Variants in SEC23B observed in about 807,000 individuals in gnomAD.
The protein encoded by SEC23B is SEC23 homolog B, COPII component, also known as protein transport protein Sec23B.
In SEC23B, 77 loss-of-function variants were observed where a neutral mutation model predicts 104.3. That is an observed-to-expected ratio of 0.74 (90% confidence interval 0.61 to 0.89). The LOEUF (loss-of-function observed/expected upper bound fraction) is 0.89. SEC23B is among the 40% of genes least tolerant of loss of function. SEC23B has a pLI of 0.00. For synonymous variants in SEC23B, 338 were observed against 332.5 expected, an observed-to-expected ratio of 1.02 and a Z score of -0.18; for missense variants, 885 against 949.4, an observed-to-expected ratio of 0.93 and a Z score of 0.89.
chr20:18,509,075 TCTG>T (rs1288387219), intron 1 of SEC23B, among the ~76,000 whole-genome samples: 2 of 152,210 alleles, frequency 1.3e-5, no homozygotes, highest in Non-Finnish European at 2.9e-5. Context: ...TTTAATGAAA[TCTG>T]CTGACATACT....
Position 18,515,749 on chromosome 20 carries a change from T to C in SEC23B, c.366+13T>C. On this transcript the variant is annotated intron_variant, in intron 4 of 19. Transcript: ENST00000650089. ...GTACGTGATACAGGTAATTTCTTTGTTGTGCATTTAATGAGCAATGTTAAA... is the reference window on the plus strand; with the variant it reads ...GTACGTGATACAGGTAATTTCTTTGCTGTGCATTTAATGAGCAATGTTAAA... The C allele has an allele frequency of 6.7e-7, 1 of 1,495,384 alleles. No individual in the cohort carries two copies. The highest frequency in any genetic ancestry group is 9.3e-7 in the Non-Finnish European group (1 of 1,071,778). 92.6% of individuals were successfully genotyped at this position (1,495,384 alleles called of 1,614,324 possible).
chr20:18,553,514 A>G (rs1003635435), intron 17 of SEC23B, among the ~76,000 whole-genome samples: 5 of 152,252 alleles, frequency 3.3e-5, no homozygotes, highest in South Asian at 2.1e-4. Flanking sequence ...GAATCAGTTA[A>G]TGAATGTTTC....
intron 1 of SEC23B, among the ~76,000 whole-genome samples, chr20:18,508,578 T>C (rs946441931): frequency 2.0e-5 from 3 of 152,098 alleles, no homozygotes; most frequent in African/African-American, 7.2e-5. Context: ...TAGTGGACCT[T>C]CTATAGTCCC....
intron 4 of SEC23B, among the ~76,000 whole-genome samples, chr20:18,517,127 CAT>C (rs1255349736): frequency 2.0e-5 from 3 of 152,154 alleles, no homozygotes; most frequent in Admixed American, 6.5e-5. Context: ...ATAATTATCT[CAT>C]GTGTCCGTGT....
At chr20:18,526,746 GAA>G (rs2060137698) in intron 8 of SEC23B, among the ~76,000 whole-genome samples, 3 of 152,164 alleles carry the variant, frequency 2.0e-5, no homozygotes, top group Non-Finnish European at 2.9e-5. Flanking sequence ...AGGGTTTTGA[GAA>G]TGAAAACTAT....
intron 19 of SEC23B, among the ~76,000 whole-genome samples, chr20:18,559,554 TGGG>T: frequency 6.6e-6 from 1 of 152,116 alleles, no homozygotes; most frequent in East Asian, 1.9e-4. Context: ...CTGGTTCAGG[TGGG>T]TCAGGGCCAC....
Position 18,543,163 on chromosome 20 carries a change from C to A in SEC23B, c.1656C>A (p.Leu552=). 6.2e-7 allele frequency: 1 copy of A among 1,614,178 alleles called. No homozygotes were observed. Among genetic ancestry groups the A allele is most frequent in the East Asian group, 2.2e-5 (1 of 44,888 alleles). The change falls in exon 14 of 20, where the codon CTC becomes CTA. Residue 552 remains leucine, a synonymous_variant. Coordinates refer to ENST00000650089, the MANE Select transcript of SEC23B (RefSeq NM_006363.6). ...PDVLRWLDRQ[L]IRLCQKFGQY... is the part of the protein sequence containing the mutation. ...TGCTCCGGTGGCTGGACCGACAACTCATCCGACTGGTAAATTGGGGACAGT... is the reference window on the plus strand; with the variant it reads ...TGCTCCGGTGGCTGGACCGACAACTAATCCGACTGGTAAATTGGGGACAGT...
At chr20:18,544,218 A>G (rs983488991) in intron 14 of SEC23B, among the ~76,000 whole-genome samples, 4 of 152,234 alleles carry the variant, frequency 2.6e-5, no homozygotes, top group African/African-American at 9.6e-5. Context: ...TTGTGATCAA[A>G]GCCACCATGG....
intron 4 of SEC23B, among the ~76,000 whole-genome samples, chr20:18,522,281 C>T (rs544922257): frequency 1.4e-4 from 22 of 152,276 alleles, no homozygotes; most frequent in East Asian, 1.2e-3. Flanking sequence ...AGAGATCAGA[C>T]GCCAATGGAA....
Position 18,551,022 on chromosome 20 carries a change from G to A in SEC23B, c.1906-67G>A, listed in dbSNP as rs910388988. ...GATACCAGGCATGGGATCAGGGTCG[G>A]GTGGAAGTGGTTGCTGTGTGGGGAG... On this transcript the variant is annotated intron_variant, in intron 16 of 19. Coordinates refer to ENST00000650089, the MANE Select transcript of SEC23B (RefSeq NM_006363.6). 15 of 957,418 alleles carry A rather than the reference G, an allele frequency of 1.6e-5. No individual in the cohort carries two copies. In the Middle Eastern group the frequency reaches 6.2e-4, roughly 40 times the overall value. 59.3% of individuals were successfully genotyped at this position (957,418 alleles called of 1,614,324 possible).
chr20:18,558,016 G>T (rs559604302), intron 19 of SEC23B, among the ~76,000 whole-genome samples: 15 of 152,246 alleles, frequency 9.9e-5, no homozygotes, highest in African/African-American at 3.4e-4. Context: ...CTCTGAAAGT[G>T]CTGGGATTAC....
At chr20:18,555,322 CAAGTTGAATA>C in intron 19 of SEC23B, 149 bp downstream of exon 19, 6 of 695,752 alleles carry the variant, frequency 8.6e-6, no homozygotes, top group Non-Finnish European at 1.5e-5. Context: ...GGGAGGGAAA[CAAGTTGAATA>C]ACATTACTGG....
intron 3 of SEC23B, 42 bp downstream of exon 3, chr20:18,512,324 A>G (rs972617890): frequency 7.8e-7 from 1 of 1,285,550 alleles, no homozygotes; most frequent in Non-Finnish European, 1.1e-6. Flanking sequence ...GTTTTATTTT[A>G]GTTGTATTAT....
intron 10 of SEC23B, among the ~76,000 whole-genome samples, chr20:18,531,135 T>C (rs576151256): frequency 6.6e-6 from 1 of 152,344 alleles, no homozygotes; most frequent in South Asian, 2.1e-4. Context: ...TTTATTTATG[T>C]TCTAAGTAAC....
At chr20:18,547,921 T>A (rs199771198) in intron 15 of SEC23B, among the ~76,000 whole-genome samples, 1 of 151,888 alleles carries the variant, frequency 6.6e-6, no homozygotes, top group Non-Finnish European at 1.5e-5. Context: ...GCCCTTTTCT[T>A]AAAAAAATTT....
intron 9 of SEC23B, among the ~76,000 whole-genome samples, chr20:18,529,715 C>T (rs1292684653): frequency 2.0e-5 from 3 of 152,206 alleles, no homozygotes; most frequent in Admixed American, 2.0e-4. Context: ...TCAGAACGCA[C>T]ATGCCAACAG....
chr20:18,519,544 G>C (rs529302854), intron 4 of SEC23B, among the ~76,000 whole-genome samples: 1 of 152,230 alleles, frequency 6.6e-6, no homozygotes, highest in South Asian at 2.1e-4. Flanking sequence ...TACAGTGCGC[G>C]GTCCCGTTCC....
intron 15 of SEC23B, among the ~76,000 whole-genome samples, chr20:18,547,069 G>A (rs1292406720): frequency 6.6e-6 from 1 of 152,042 alleles, no homozygotes; most frequent in East Asian, 1.9e-4. Context: ...CTGGGCCCCT[G>A]AGGACTTGAT....
At chr20:18,554,173 G>T (rs906805078) in intron 17 of SEC23B, 62 bp from the exon 18 acceptor site, 20 of 1,577,640 alleles carry the variant, frequency 1.3e-5, no homozygotes, top group Non-Finnish European at 1.4e-5. Context: ...TAGAATGTCA[G>T]TGTCAGTGAA....
Sources: gnomAD v4.1 joint callset for allele counts (sites outside exome capture counted in the v4.1 genomes callset) on GRCh38, gnomAD v4.1.1 for gene constraint, MANE v1.5 for transcripts, NCBI Gene and HGNC (gene_info 2026-07-23, HGNC 2026-07-21) for gene names.